PHACTR2: variants seen among roughly 807,000 people sequenced by gnomAD.
The protein encoded by PHACTR2 is phosphatase and actin regulator 2.
A neutral mutation model predicts 76.0 loss-of-function variants in PHACTR2; 30 were observed. The ratio of observed to expected loss-of-function variants is 0.39; its 90% CI spans 0.30 to 0.54. PHACTR2 has a LOEUF of 0.54. Ranked by LOEUF, PHACTR2 falls within the 20% of genes least tolerant of loss-of-function variation. The probability of loss-of-function intolerance (pLI) is 0.61; values close to 1 mark genes in which losing one functional copy is unlikely to be tolerated. For missense variants in PHACTR2, 696 were observed against 781.1 expected (o/e 0.89, Z 1.30); for synonymous variants, 292 against 292.5 (o/e 1.00, Z 0.02).
intron 1 of PHACTR2, among the ~76,000 whole-genome samples, chr6:143,691,312 T>A (rs1471000892): frequency 6.6e-6 from 1 of 152,036 alleles, no homozygotes; most frequent in Non-Finnish European, 1.5e-5. Context: ...CTCATTTGAA[T>A]CTTTATGTGT....
chr6:143,680,542 C>T lies in PHACTR2; in HGVS notation c.46+2333C>T, dbSNP rs1276921475. ...GCTTTCCCCGTTTTGACTTTAGGCT[C>T]TCTAGAGCCTTTCAGTTTAGGTTGC... On this transcript the variant is annotated intron_variant, in intron 1 of 12. Transcript: ENST00000440869. The surrounding 1 kb of genome is among the most constrained non-coding windows in gnomAD (Gnocchi z 4.5). Among the ~76,000 whole-genome samples the T allele has an allele frequency of 6.6e-6, 1 of 152,214 alleles. No homozygotes were observed. Among genetic ancestry groups the T allele is most frequent in the Non-Finnish European group, 1.5e-5 (1 of 68,024 alleles).
chr6:143,564,834 A>C (rs1171026435), intron 1 of PHACTR2, among the ~76,000 whole-genome samples: 2 of 152,068 alleles, frequency 1.3e-5, no homozygotes, highest in Non-Finnish European at 2.9e-5. Context: ...CAAAATGAAA[A>C]CCTTCTATGT....
chr6:143,781,380 G>A (rs550370763), intron 9 of PHACTR2, among the ~76,000 whole-genome samples: 169 of 152,206 alleles, frequency 1.1e-3, no homozygotes, highest in African/African-American at 3.4e-3. Flanking sequence ...TCATTTTTGC[G>A]TATTTAATGA....
At chr6:143,552,766 T>C (rs1584053384) in intron 1 of PHACTR2, among the ~76,000 whole-genome samples, 1 of 151,216 alleles carries the variant, frequency 6.6e-6, no homozygotes, top group Non-Finnish European at 1.5e-5. Flanking sequence ...GAGCCGGGCA[T>C]GGTGGTGGGT....
Position 143,822,763 on chromosome 6 carries a change from A to G in PHACTR2, c.1923-911A>G, listed in dbSNP as rs1317387927. On this transcript the variant is annotated intron_variant, in intron 12 of 12. Transcript: ENST00000440869. This position sits in a 1 kb window ranked among gnomAD's most constrained non-coding sequence, Gnocchi z 5.5. ...GATCACTTAAGGCTTTATGGAGAAG[A>G]TAACTTTTGACCTTGATCTTGAAAA... is the stretch of plus-strand genomic sequence containing the variant. Among the ~76,000 whole-genome samples the G allele has an allele frequency of 6.6e-6, 1 of 152,236 alleles. No individual in the cohort carries two copies. The highest frequency in any genetic ancestry group is 1.5e-5 in the Non-Finnish European group (1 of 68,040).
At chr6:143,769,474 A>G (rs1383183978) in intron 6 of PHACTR2, among the ~76,000 whole-genome samples, 2 of 152,194 alleles carry the variant, frequency 1.3e-5, no homozygotes, top group Non-Finnish European at 2.9e-5. Context: ...AGTATAATAA[A>G]TGTAAAATTT....
Position 143,639,317 on chromosome 6 carries a change from T to C in PHACTR2, c.13+30995T>C, listed in dbSNP as rs9376772. Among the ~76,000 whole-genome samples the C allele has an allele frequency of 0.16, 23,643 of 152,234 alleles. 1,875 individuals carry two copies. The highest frequency in any genetic ancestry group is 0.27 in the East Asian group (1,387 of 5,182). ...AAAACAAATGTAACAGAACTTTATA[T>C]AGTGATTTAATCTTTAAATCACGTT... On this transcript the variant is annotated intron_variant, in intron 1 of 11. Transcript: ENST00000305766. The surrounding 1 kb of genome is among the most constrained non-coding windows in gnomAD (Gnocchi z 5.0).
At chr6:143,544,969 G>A (rs550895437) in intron 1 of PHACTR2, among the ~76,000 whole-genome samples, 2 of 150,912 alleles carry the variant, frequency 1.3e-5, no homozygotes, top group Admixed American at 6.6e-5. Context: ...CTTTGAGACA[G>A]GTCTCACTCT....
intron 1 of PHACTR2, among the ~76,000 whole-genome samples, chr6:143,587,003 T>A (rs1775637824): frequency 6.6e-6 from 1 of 152,202 alleles, no homozygotes; most frequent in Non-Finnish European, 1.5e-5. Context: ...TATAATGGAT[T>A]AATTGTGTCG....
intron 2 of PHACTR2, among the ~76,000 whole-genome samples, chr6:143,725,750 C>A (rs145212568): frequency 6.6e-6 from 1 of 150,946 alleles, no homozygotes; most frequent in Non-Finnish European, 1.5e-5. Flanking sequence ...CACTTGAACC[C>A]GGGAGGCAGA....
intron 10 of PHACTR2, among the ~76,000 whole-genome samples, chr6:143,786,831 G>A (rs1775566818): frequency 6.6e-6 from 1 of 152,128 alleles, no homozygotes; most frequent in Admixed American, 6.5e-5. Flanking sequence ...ACCTCCCCCT[G>A]GGTCCCTCCC....
chr6:143,589,827 A>G lies in PHACTR2; in HGVS notation c.217+52620A>G, dbSNP rs1341538039. Among the ~76,000 whole-genome samples the G allele has an allele frequency of 6.6e-6, 1 of 152,228 alleles. No homozygotes were observed. The highest frequency in any genetic ancestry group is 1.5e-5 in the Non-Finnish European group (1 of 68,050). ...GCACTAATCTTATGCAAACTATTTC[A>G]TATTATAGAAGATGACGATACACAT... On this transcript the variant is annotated intron_variant, in intron 1 of 11. Transcript: ENST00000367584. This position sits in a 1 kb window ranked among gnomAD's most constrained non-coding sequence, Gnocchi z 4.4.
intron 1 of PHACTR2, among the ~76,000 whole-genome samples, chr6:143,567,276 A>G (rs1288551641): frequency 2.0e-5 from 3 of 152,190 alleles, no homozygotes; most frequent in Admixed American, 1.3e-4. Flanking sequence ...AGCAAAATTC[A>G]TGGTTCCCTC....
chr6:143,564,385 T>C (rs1775332647), intron 1 of PHACTR2, among the ~76,000 whole-genome samples: 1 of 151,738 alleles, frequency 6.6e-6, no homozygotes, highest in African/African-American at 2.4e-5. Flanking sequence ...CACATAATAA[T>C]GCCCAAGAGT....
rs1257602063 is a variant in PHACTR2, at chr6:143,764,528, A to C, written c.695-733A>C. Among the ~76,000 whole-genome samples, 13 of 152,208 alleles carry C rather than the reference A, an allele frequency of 8.5e-5. No individual in the cohort carries two copies. The highest frequency in any genetic ancestry group is 3.1e-4 in the African/African-American group (13 of 41,540). ...AGAACAAGACCTTGTCTCAAAAAAAAAAAAAAAAAGGAGCAACCCATGTAA... is the reference window on the plus strand; with the variant it reads ...AGAACAAGACCTTGTCTCAAAAAAACAAAAAAAAAGGAGCAACCCATGTAA... On this transcript the variant is annotated intron_variant, in intron 5 of 12. Coordinates refer to ENST00000440869, the MANE Select transcript of PHACTR2 (RefSeq NM_001100164.2). The surrounding 1 kb of genome is among the most constrained non-coding windows in gnomAD (Gnocchi z 4.7).
Position 143,765,093 on chromosome 6 carries a change from G to A in PHACTR2, c.695-168G>A, listed in dbSNP as rs1779525720. On this transcript the variant is annotated intron_variant, in intron 5 of 12. Coordinates refer to ENST00000440869, the MANE Select transcript of PHACTR2 (RefSeq NM_001100164.2). The surrounding 1 kb of genome is among the most constrained non-coding windows in gnomAD (Gnocchi z 4.1). ...TCCTTGCTGGATTGGAGGAAGGGAG[G>A]GGCAGAAGACAAGACTATTATCATG... 6.6e-6 allele frequency among the ~76,000 whole-genome samples: 1 copy of A among 152,070 alleles called. No homozygotes were observed. The highest frequency in any genetic ancestry group is 2.1e-4 in the South Asian group (1 of 4,810).
chr6:143,645,138 A>T (rs1398379060), intron 1 of PHACTR2, among the ~76,000 whole-genome samples: 1 of 152,138 alleles, frequency 6.6e-6, no homozygotes, highest in Non-Finnish European at 1.5e-5. Flanking sequence ...CCAGCAACCC[A>T]CTACTGGGCA....
In PHACTR2 at chr6:143,543,063, G is replaced by T. The variant is rs1031325981; in HGVS notation, c.217+5856G>T. Among the ~76,000 whole-genome samples, 1 of 152,204 alleles carries T rather than the reference G, an allele frequency of 6.6e-6. No individual in the cohort carries two copies. The highest frequency in any genetic ancestry group is 2.4e-5 in the African/African-American group (1 of 41,442). On this transcript the variant is annotated intron_variant, in intron 1 of 11. Coordinates refer to the PHACTR2 transcript ENST00000367584. The surrounding 1 kb of genome is among the most constrained non-coding windows in gnomAD (Gnocchi z 4.7). ...CTGGAGTTAGACTGAAAGCAGAGAG[G>T]ATACTCAGAAAGGGTGTGGCAGGCC...
At chr6:143,640,366 T>G (rs1230591158) in intron 1 of PHACTR2, among the ~76,000 whole-genome samples, 1 of 152,198 alleles carries the variant, frequency 6.6e-6, no homozygotes, top group Non-Finnish European at 1.5e-5. Context: ...GATGGATAGA[T>G]GAGCAAAGTT....
Sources: allele counts gnomAD v4.1 joint callset (sites outside exome capture counted in the v4.1 genomes callset), GRCh38; gene constraint gnomAD v4.1.1; non-coding constraint Gnocchi (gnomAD v3.1); transcripts MANE v1.5; gene names NCBI Gene and HGNC (gene_info 2026-07-23, HGNC 2026-07-21).